RABGAP1L: variants seen among roughly 807,000 people sequenced by gnomAD.
RABGAP1L encodes rab GTPase-activating protein 1-like.
Under a neutral mutation model 137.7 loss-of-function variants are expected in RABGAP1L, and 63 were observed. The ratio of observed to expected loss-of-function variants is 0.46; its 90% CI spans 0.37 to 0.56. The LOEUF is 0.56. Ranked by LOEUF, RABGAP1L falls within the 20% of genes least tolerant of loss-of-function variation. The probability of loss-of-function intolerance (pLI) is 0.00; values close to 1 mark genes in which losing one functional copy is unlikely to be tolerated. For synonymous variants in RABGAP1L, 431 were observed against 433.7 expected (o/e 0.99, Z 0.08); for missense variants, 1,095 against 1,244.0 (o/e 0.88, Z 1.80).
chr1:174,249,339 A>G (rs1672523622), intron 5 of RABGAP1L, among the ~76,000 whole-genome samples: 2 of 152,172 alleles, frequency 1.3e-5, no homozygotes, highest in Non-Finnish European at 2.9e-5. Context: ...ATGGTTCTGT[A>G]TCTAGCCCCT....
intron 12 of RABGAP1L, 121 bp from the exon 13 acceptor site, chr1:174,393,874 C>T (rs775292438): frequency 7.3e-6 from 8 of 1,092,134 alleles, no homozygotes; most frequent in Admixed American, 2.6e-5. Flanking sequence ...AATGCCCCCC[C>T]ACAAACTGTT....
At chr1:174,756,494 T>C (rs1358171807) in intron 18 of RABGAP1L, among the ~76,000 whole-genome samples, 1 of 151,992 alleles carries the variant, frequency 6.6e-6, no homozygotes, top group East Asian at 1.9e-4. Flanking sequence ...CCACTGACTT[T>C]ATTGATCTAA....
intron 19 of RABGAP1L, among the ~76,000 whole-genome samples, chr1:174,910,327 C>T (rs1204968762): frequency 6.6e-6 from 1 of 152,104 alleles, no homozygotes; most frequent in East Asian, 1.9e-4. Context: ...TGGTAAAATT[C>T]AGCATCCCTT....
At chr1:174,423,009 A>AT (rs1464897465) in intron 13 of RABGAP1L, among the ~76,000 whole-genome samples, 2 of 151,606 alleles carry the variant, frequency 1.3e-5, no homozygotes, top group African/African-American at 4.8e-5. Flanking sequence ...GAATAGTGAC[A>AT]TTTTTTAGCA....
chr1:174,804,011 G>A (rs1441301335), intron 18 of RABGAP1L, among the ~76,000 whole-genome samples: 1 of 151,846 alleles, frequency 6.6e-6, no homozygotes, highest in East Asian at 1.9e-4. Flanking sequence ...AAGGTGGGAT[G>A]CACCACTGCA....
intron 12 of RABGAP1L, among the ~76,000 whole-genome samples, chr1:174,374,605 A>G (rs1305482125): frequency 6.6e-6 from 1 of 152,186 alleles, no homozygotes; most frequent in East Asian, 1.9e-4. Context: ...CAAAGGCAAA[A>G]TAATTTCAAC....
At chr1:174,274,606 C>CTGTGTGTGTGTGTGTG (rs61468070) in intron 8 of RABGAP1L, among the ~76,000 whole-genome samples, 2,230 of 146,122 alleles carry the variant, frequency 0.015, 60 homozygotes, top group African/African-American at 0.053. Flanking sequence ...ACAGGTGACT[C>CTGTGTGTGTGTGTGTG]TGTGTGTGTG....
intron 19 of RABGAP1L, among the ~76,000 whole-genome samples, chr1:174,814,503 G>C (rs1394034494): frequency 6.6e-6 from 1 of 152,218 alleles, no homozygotes; most frequent in East Asian, 1.9e-4. Context: ...CCAGTATTGG[G>C]CTGGGATTGT....
intron 19 of RABGAP1L, among the ~76,000 whole-genome samples, chr1:174,875,325 C>T (rs1336847013): frequency 2.6e-5 from 4 of 152,022 alleles, no homozygotes; most frequent in African/African-American, 9.7e-5. Context: ...TTTTCTGGTC[C>T]TTTTCTTTTG....
chr1:174,611,291 A>C (rs1671224277), intron 13 of RABGAP1L, among the ~76,000 whole-genome samples: 1 of 151,094 alleles, frequency 6.6e-6, no homozygotes, highest in African/African-American at 2.4e-5. Flanking sequence ...CAGTTTTCCC[A>C]GCACCATTTA....
chr1:174,449,190 C>T, intron 13 of RABGAP1L: 1 of 1,592,388 alleles, frequency 6.3e-7, no homozygotes, highest in East Asian at 2.2e-5. Flanking sequence ...AATTCTTGCT[C>T]CATTTGAAGA....
At chr1:174,598,931 C>T (rs1034811996) in intron 13 of RABGAP1L, among the ~76,000 whole-genome samples, 1 of 151,946 alleles carries the variant, frequency 6.6e-6, no homozygotes, top group Non-Finnish European at 1.5e-5. Context: ...AACTAAGGAC[C>T]TACTCCTGCT....
At chr1:174,456,348 A>G (rs997092835) in intron 13 of RABGAP1L, among the ~76,000 whole-genome samples, 1 of 152,138 alleles carries the variant, frequency 6.6e-6, no homozygotes, top group African/African-American at 2.4e-5. Flanking sequence ...TCTAAACACT[A>G]TAACCTTAAT....
chr1:174,886,688 T>A (rs1449162013), intron 19 of RABGAP1L, among the ~76,000 whole-genome samples: 1 of 152,250 alleles, frequency 6.6e-6, no homozygotes, highest in Non-Finnish European at 1.5e-5. Context: ...GCCTTCTAGT[T>A]TCAGTTTCCT....
intron 13 of RABGAP1L, among the ~76,000 whole-genome samples, chr1:174,436,225 T>C (rs184235808): frequency 0.014 from 2,063 of 152,282 alleles, 22 homozygotes; most frequent in African/African-American, 0.032. Flanking sequence ...CCTGAGGAAT[T>C]GCCACACTGA....
At chr1:174,259,189 T>C (rs1673371480) in intron 7 of RABGAP1L, among the ~76,000 whole-genome samples, 1 of 152,214 alleles carries the variant, frequency 6.6e-6, no homozygotes, top group Non-Finnish European at 1.5e-5. Flanking sequence ...TTTTGCAAAT[T>C]ATACTGCAGT....
At position 174,430,372 on chromosome 1, in the gene RABGAP1L, A is replaced by T. The variant is rs529073063; in HGVS notation, c.1710+36227A>T. Among the ~76,000 whole-genome samples, 229 of 147,026 alleles carry T rather than the reference A, an allele frequency of 1.6e-3. 1 individual carries two copies. In the South Asian group the frequency reaches 0.02, roughly 13 times the overall value. Reference sequence around the variant, plus strand: ...GACTCTGTCTGAAAAAAAAAAAAAAATTTTTTTTCAAAGGCCTTACCACTT... The same window carrying T: ...GACTCTGTCTGAAAAAAAAAAAAAATTTTTTTTTCAAAGGCCTTACCACTT... On this transcript the variant is annotated intron_variant, in intron 13 of 25. Coordinates refer to ENST00000681986, the MANE Select transcript of RABGAP1L (RefSeq NM_001366446.1).
At chr1:174,699,485 G>GC (rs1170163890) in intron 15 of RABGAP1L, 40 bp from the exon 16 acceptor site, 3 of 1,563,322 alleles carry the variant, frequency 1.9e-6, no homozygotes, top group Non-Finnish European at 2.6e-6. Flanking sequence ...CTGGCAAAAT[G>GC]CCACTTATTT....
intron 17 of RABGAP1L, among the ~76,000 whole-genome samples, chr1:174,749,222 A>C (rs750321806): frequency 4.0e-5 from 6 of 151,786 alleles, no homozygotes; most frequent in Non-Finnish European, 8.8e-5. Flanking sequence ...AATACATGTG[A>C]TGTGAAGCAT....
Sources: allele counts gnomAD v4.1 joint callset (sites outside exome capture counted in the v4.1 genomes callset), GRCh38; gene constraint gnomAD v4.1.1; transcripts MANE v1.5; gene names NCBI Gene and HGNC (gene_info 2026-07-23, HGNC 2026-07-21).